Variants in CDC14A observed in about 807,000 individuals in gnomAD.
CDC14A encodes the protein dual specificity protein phosphatase CDC14A.
In CDC14A, 53 loss-of-function variants were observed where a neutral mutation model predicts 74.4. The ratio of observed to expected loss-of-function variants is 0.71; its 90% confidence interval spans 0.57 to 0.89. CDC14A has a LOEUF of 0.89. CDC14A is among the 40% of genes least tolerant of loss of function. The probability of loss-of-function intolerance (pLI) is 0.00; values close to 1 mark genes in which losing one functional copy is unlikely to be tolerated. For missense variants in CDC14A, 646 were observed against 713.7 expected (o/e 0.91, Z 1.08); for synonymous variants, 247 against 258.4 (o/e 0.96, Z 0.43).
In CDC14A at chr1:100,375,985, C is replaced by T. The variant is rs556078724; in HGVS notation, c.141-1561C>T. Among the ~76,000 whole-genome samples, 101 of 152,284 alleles carry T rather than the reference C, an allele frequency of 6.6e-4. 1 individual carries two copies. The highest frequency in any genetic ancestry group is 4.9e-3 in the Admixed American group (75 of 15,292). ...ATGCAGCCATAAAAAATGATGAGTT[C>T]ATGTCCTTTGTAGGGACATGGATAA... On this transcript the variant is annotated intron_variant, in intron 2 of 15. Coordinates refer to ENST00000336454, the MANE Select transcript of CDC14A (RefSeq NM_003672.4).
chr1:100,416,802 C>T (rs1661587748), intron 4 of CDC14A, among the ~76,000 whole-genome samples: 1 of 152,160 alleles, frequency 6.6e-6, no homozygotes, highest in African/African-American at 2.4e-5. Context: ...TTCTTCCCGA[C>T]AAACAACCTT....
intron 4 of CDC14A, among the ~76,000 whole-genome samples, chr1:100,415,530 C>T (rs944150531): frequency 6.6e-6 from 1 of 152,118 alleles, no homozygotes; most frequent in African/African-American, 2.4e-5. Flanking sequence ...ATTTGTTAAG[C>T]AGGTATATTG....
In CDC14A at chr1:100,390,838, T is replaced by C. The variant is rs374836642; in HGVS notation, c.309+14T>C. The stretch of plus-strand genomic sequence containing the variant: ...GGTGCCTATGCAGTAAGTACCTTCT[T>C]CATGATTATTTTCTATAATCAGGCC... On this transcript the variant is annotated intron_variant, in intron 4 of 15. Transcript: ENST00000336454. 1.4e-5 allele frequency: 22 copies of C among 1,570,196 alleles called. No homozygotes were observed. The African/African-American group carries it at 2.7e-4, about 19-fold the overall frequency.
At position 100,518,252 on chromosome 1, in the gene CDC14A, C is replaced by G. The variant is rs1650406193; in HGVS notation, c.1757C>G (p.Ser586Cys). ...SARFLSRSIP[S>C]LQSEYVHY ...CAGTTTATGTCTCTCCCTGCACAGT[C>G]CCTTCAGTCTGAATATGTTCATTAC... Residue 586 changes from serine to cysteine, a missense_variant and splice_region_variant, in exon 16 of 16, where the codon TCC becomes TGC. Ser to Cys is a moderately radical substitution (Grantham distance 112). Transcript: ENST00000336454. 6.2e-7 allele frequency: 1 copy of G among 1,610,924 alleles called. No homozygotes were observed. The highest frequency in any genetic ancestry group is 2.2e-5 in the East Asian group (1 of 44,790).
intron 4 of CDC14A, among the ~76,000 whole-genome samples, chr1:100,415,834 G>T (rs1661465972): frequency 6.6e-6 from 1 of 152,096 alleles, no homozygotes; most frequent in South Asian, 2.1e-4. Context: ...GAACAAAGTG[G>T]AATTGTTTAT....
chr1:100,409,566 C>T (rs1433391309), intron 4 of CDC14A, among the ~76,000 whole-genome samples: 1 of 152,204 alleles, frequency 6.6e-6, no homozygotes, highest in Non-Finnish European at 1.5e-5. Context: ...TGGGTAAGTA[C>T]AGCCATTCCA....
chr1:100,368,050 T>A (rs1030389278), intron 2 of CDC14A, among the ~76,000 whole-genome samples: 1 of 152,244 alleles, frequency 6.6e-6, no homozygotes, highest in Non-Finnish European at 1.5e-5. Context: ...TACCAGGGCC[T>A]ATTCTCACTG....
At chr1:100,351,180 C>A (rs1298441958), upstream of CDC14A, among the ~76,000 whole-genome samples, 1 of 151,534 alleles carries the variant, frequency 6.6e-6, no homozygotes, top group African/African-American at 2.4e-5. Context: ...GGTGACAGAG[C>A]GAGACCCTGT....
Position 100,353,850 on chromosome 1 carries a change from AAAGT to A in CDC14A, c.140+3_140+6del. Reference sequence around the variant, plus strand: ...CCATCGATGAGGAGCTGGTCTATGAAAAGTAAGTTTATGTTTTGTTTTTTTTTCT... The same window carrying A: ...CCATCGATGAGGAGCTGGTCTATGAAAAGTTTATGTTTTGTTTTTTTTTCT... On this transcript the variant is annotated splice_donor_variant and coding_sequence_variant, in exon 2 of 16. Coordinates refer to ENST00000336454, the MANE Select transcript of CDC14A (RefSeq NM_003672.4). LOFTEE classifies it high-confidence loss of function. The A allele has an allele frequency of 2.5e-6, 4 of 1,589,846 alleles. No individual in the cohort carries two copies. Among genetic ancestry groups the A allele is most frequent in the Non-Finnish European group, 3.4e-6 (4 of 1,161,244 alleles).
intron 4 of CDC14A, among the ~76,000 whole-genome samples, chr1:100,402,844 G>C (rs935123076): frequency 2.6e-5 from 4 of 152,334 alleles, no homozygotes; most frequent in Admixed American, 1.3e-4. Context: ...GAAACAGCAT[G>C]CAGTGTGGAA....
chr1:100,463,239 GT>G lies in CDC14A; in HGVS notation c.838+366del, dbSNP rs1052848464. On this transcript the variant is annotated intron_variant, in intron 9 of 15. Coordinates refer to ENST00000336454, the MANE Select transcript of CDC14A (RefSeq NM_003672.4). ...GGTTGTTAGTTTTCCTCTCTCCTTT[GT>G]TTTTTTTCAGAATTGCCCATCTCTT... Among the ~76,000 whole-genome samples the G allele has an allele frequency of 2.0e-5, 3 of 151,676 alleles. 1 individual carries two copies. The South Asian group carries it at 6.2e-4, about 32-fold the overall frequency.
intron 5 of CDC14A, among the ~76,000 whole-genome samples, chr1:100,433,481 A>G (rs1663959597): frequency 6.6e-6 from 1 of 152,086 alleles, no homozygotes; most frequent in Non-Finnish European, 1.5e-5. Context: ...ATTTTTGCAT[A>G]CCTCCTAACT....
intron 15 of CDC14A, among the ~76,000 whole-genome samples, chr1:100,505,834 G>A (rs1649180386): frequency 6.6e-6 from 1 of 152,186 alleles, no homozygotes; most frequent in Non-Finnish European, 1.5e-5. Flanking sequence ...AATTCTGTGG[G>A]CTGTACGAGC....
At chr1:100,450,002 GA>G (rs1665967916) in intron 7 of CDC14A, among the ~76,000 whole-genome samples, 1 of 149,550 alleles carries the variant, frequency 6.7e-6, no homozygotes, top group African/African-American at 2.6e-5. Flanking sequence ...TATGCTGCAA[GA>G]GTGAGGTTTT....
chr1:100,390,238 G>T (rs1657499540), intron 3 of CDC14A, among the ~76,000 whole-genome samples: 1 of 152,130 alleles, frequency 6.6e-6, no homozygotes, highest in Non-Finnish European at 1.5e-5. Context: ...AAAGGGGGTT[G>T]TTATATAACA....
chr1:100,457,626 GTT>G (rs869054325), intron 8 of CDC14A, among the ~76,000 whole-genome samples: 5 of 140,688 alleles, frequency 3.6e-5, no homozygotes, highest in Admixed American at 7.1e-5. Context: ...CACCTGGCTG[GTT>G]TTTTTTTTTT....
chr1:100,409,150 TAAGAG>T, intron 4 of CDC14A, among the ~76,000 whole-genome samples: 1 of 151,790 alleles, frequency 6.6e-6, no homozygotes, highest in South Asian at 2.1e-4. Context: ...TGGCGGCAGA[TAAGAG>T]AAGAGAACTT....
chr1:100,459,087 ACACACACACACACG>A (rs966989331), intron 8 of CDC14A, among the ~76,000 whole-genome samples: 2 of 96,282 alleles, frequency 2.1e-5, no homozygotes, highest in African/African-American at 1.6e-4. Context: ...TTCTATTTAA[ACACACACACACACG>A]CACACACACA....
At chr1:100,482,217 C>T (rs1669556171) in intron 10 of CDC14A, among the ~76,000 whole-genome samples, 1 of 152,110 alleles carries the variant, frequency 6.6e-6, no homozygotes, top group Non-Finnish European at 1.5e-5. Flanking sequence ...CAACTAGCCT[C>T]TTATGTCCTT....
Sources: allele counts gnomAD v4.1 joint callset (sites outside exome capture counted in the v4.1 genomes callset), GRCh38; gene constraint gnomAD v4.1.1; transcripts MANE v1.5; gene names NCBI Gene and HGNC (gene_info 2026-07-23, HGNC 2026-07-21).